GPC6: variants seen among roughly 807,000 people sequenced by gnomAD.
The protein encoded by GPC6 is glypican-6.
Under a neutral mutation model 55.2 loss-of-function variants are expected in GPC6, and 14 were observed. The ratio of observed to expected loss-of-function variants is 0.25; its 90% CI spans 0.17 to 0.40. GPC6 has a LOEUF of 0.40. Ranked by LOEUF, GPC6 falls within the 10% of genes least tolerant of loss-of-function variation. The pLI is 1.00. For synonymous variants in GPC6, 278 were observed against 259.6 expected (o/e 1.07, Z -0.68); for missense variants, 641 against 708.5 (o/e 0.90, Z 1.08).
At chr13:93,867,681 C>T (rs1450453702) in intron 3 of GPC6, among the ~76,000 whole-genome samples, 4 of 151,848 alleles carry the variant, frequency 2.6e-5, no homozygotes, top group African/African-American at 7.2e-5. Flanking sequence ...AACCTATTTG[C>T]TTCTCCTGCT....
chr13:93,421,575 C>T (rs1241448058), intron 1 of GPC6, among the ~76,000 whole-genome samples: 1 of 152,084 alleles, frequency 6.6e-6, no homozygotes, highest in Non-Finnish European at 1.5e-5. Context: ...CTGTTTAAAA[C>T]CATATTGCTT....
intron 2 of GPC6, among the ~76,000 whole-genome samples, chr13:93,675,577 T>A (rs1881555193): frequency 4.6e-5 from 7 of 152,126 alleles, no homozygotes. Flanking sequence ...GTAAAAAGAG[T>A]GCTGTAATCA....
At chr13:94,353,571 G>A (rs1385296941) in intron 6 of GPC6, among the ~76,000 whole-genome samples, 1 of 149,194 alleles carries the variant, frequency 6.7e-6, no homozygotes, top group African/African-American at 2.5e-5. Context: ...CGTGTGCGAG[G>A]AGCATATATA....
chr13:93,643,626 C>G (rs1417018016), intron 2 of GPC6, among the ~76,000 whole-genome samples: 1 of 152,094 alleles, frequency 6.6e-6, no homozygotes, highest in Non-Finnish European at 1.5e-5. Context: ...AACATTTCTT[C>G]TTTCCTGGTA....
At chr13:93,667,406 G>A (rs1445140055) in intron 2 of GPC6, among the ~76,000 whole-genome samples, 1 of 151,796 alleles carries the variant, frequency 6.6e-6, no homozygotes. Flanking sequence ...TATATAAAGG[G>A]TGGGTTCTGC....
At chr13:94,253,467 T>C (rs1446439578) in intron 4 of GPC6, among the ~76,000 whole-genome samples, 1 of 152,066 alleles carries the variant, frequency 6.6e-6, no homozygotes, top group Non-Finnish European at 1.5e-5. Flanking sequence ...GTTTCATGAA[T>C]AAAAACAAAG....
At chr13:94,167,871 G>C (rs1888419092) in intron 4 of GPC6, among the ~76,000 whole-genome samples, 1 of 152,172 alleles carries the variant, frequency 6.6e-6, no homozygotes, top group African/African-American at 2.4e-5. Context: ...TTCAAAATTT[G>C]AGTGAAGAAG....
In GPC6 at chr13:93,795,364, A is replaced by C. The variant is rs572143431; in HGVS notation, c.320-34790A>C. Among the ~76,000 whole-genome samples the C allele has an allele frequency of 2.6e-5, 4 of 152,326 alleles. No homozygotes were observed. The East Asian group carries it at 7.7e-4, about 29-fold the overall frequency. On this transcript the variant is annotated intron_variant, in intron 2 of 8. Transcript: ENST00000377047. ...GACAATCCCAAGTCTAGGTCTGTTC[A>C]ACAAACATTATCAATTTGTTCCCTC...
chr13:93,943,128 G>T (rs1170981225), intron 3 of GPC6, among the ~76,000 whole-genome samples: 1 of 152,114 alleles, frequency 6.6e-6, no homozygotes, highest in Non-Finnish European at 1.5e-5. Flanking sequence ...TTGTAAGCAC[G>T]TTAAAGCAAG....
At chr13:93,455,324 G>A (rs1878410383) in intron 1 of GPC6, among the ~76,000 whole-genome samples, 1 of 152,152 alleles carries the variant, frequency 6.6e-6, no homozygotes, top group African/African-American at 2.4e-5. Flanking sequence ...AGGGCTGTGA[G>A]GACTGCCAGC....
intron 3 of GPC6, among the ~76,000 whole-genome samples, chr13:93,832,953 C>A (rs192081511): frequency 6.6e-6 from 1 of 152,060 alleles, no homozygotes; most frequent in Non-Finnish European, 1.5e-5. Context: ...CTGTTCCTTG[C>A]AGATATTGGC....
chr13:93,670,688 C>G (rs1172084997), intron 2 of GPC6, among the ~76,000 whole-genome samples: 1 of 152,056 alleles, frequency 6.6e-6, no homozygotes, highest in Non-Finnish European at 1.5e-5. Flanking sequence ...GGAGGCATCC[C>G]CAGATGTAAT....
At position 93,926,654 on chromosome 13, in the gene GPC6, G is replaced by T. The variant is rs115627606; in HGVS notation, c.711+96109G>T. ...GTTTAATTCTATTGGCAAGAGATCA[G>T]CTTTCCATAATTTTAGCCTAGTGAA... On this transcript the variant is annotated intron_variant, in intron 3 of 8. Transcript: ENST00000377047. Among the ~76,000 whole-genome samples the T allele has an allele frequency of 4.9e-3, 742 of 152,268 alleles. 6 individuals carry two copies. The highest frequency in any genetic ancestry group is 0.017 in the African/African-American group (712 of 41,548).
chr13:93,378,456 C>G (rs1271133456), intron 1 of GPC6, among the ~76,000 whole-genome samples: 1 of 152,142 alleles, frequency 6.6e-6, no homozygotes, highest in Admixed American at 6.5e-5. Flanking sequence ...CCATATAACA[C>G]AACTCTTAAT....
chr13:93,977,192 G>T (rs987724261), intron 3 of GPC6, among the ~76,000 whole-genome samples: 2 of 151,984 alleles, frequency 1.3e-5, no homozygotes, highest in African/African-American at 4.8e-5. Context: ...CCCAAAACTT[G>T]CTCACTGCTA....
chr13:94,156,063 T>C (rs969536482), intron 4 of GPC6, among the ~76,000 whole-genome samples: 1 of 152,154 alleles, frequency 6.6e-6, no homozygotes, highest in Non-Finnish European at 1.5e-5. Flanking sequence ...AAAGCCAAGA[T>C]GATCCAACAT....
At chr13:93,766,444 A>G (rs922915396) in intron 2 of GPC6, among the ~76,000 whole-genome samples, 14 of 152,154 alleles carry the variant, frequency 9.2e-5, no homozygotes, top group Admixed American at 5.9e-4. Context: ...ACAATACTAT[A>G]TTGTGCATTT....
chr13:94,317,012 A>G (rs1876576153), intron 6 of GPC6, among the ~76,000 whole-genome samples: 1 of 152,218 alleles, frequency 6.6e-6, no homozygotes, highest in South Asian at 2.1e-4. Context: ...CTTGTACAAT[A>G]TCAGTTAATT....
chr13:93,754,049 G>A (rs1032424211), intron 2 of GPC6, among the ~76,000 whole-genome samples: 2 of 152,260 alleles, frequency 1.3e-5, no homozygotes, highest in African/African-American at 2.4e-5. Context: ...GGTAGCAGGC[G>A]GCTTGGCAAC....
Sources: gnomAD v4.1 joint callset for allele counts (sites outside exome capture counted in the v4.1 genomes callset) on GRCh38, gnomAD v4.1.1 for gene constraint, MANE v1.5 for transcripts, NCBI Gene and HGNC (gene_info 2026-07-23, HGNC 2026-07-21) for gene names.